Variants in SETD5 observed in about 807,000 individuals in gnomAD.
SETD5 encodes the protein histone-lysine N-methyltransferase SETD5.
In SETD5, 44 loss-of-function variants were observed where a neutral mutation model predicts 153.3. That is an observed-to-expected ratio of 0.29 (90% CI 0.23 to 0.37). The LOEUF (loss-of-function observed/expected upper bound fraction) is 0.37. Among genes scored for constraint, SETD5 ranks in the 10% least tolerant of loss-of-function variants. The pLI is 1.00. For missense variants in SETD5, 1,544 were observed against 1,768.0 expected (o/e 0.87, Z 2.27); for synonymous variants, 716 against 645.2 (o/e 1.11, Z -1.66).
intron 1 of SETD5, among the ~76,000 whole-genome samples, chr3:9,409,171 C>G (rs934158657): frequency 6.6e-6 from 1 of 152,134 alleles, no homozygotes; most frequent in Non-Finnish European, 1.5e-5. Context: ...TCACACCACC[C>G]TTTTTGAGAA....
intron 2 of SETD5, among the ~76,000 whole-genome samples, chr3:9,427,422 C>T (rs950224353): frequency 1.3e-5 from 2 of 152,072 alleles, no homozygotes; most frequent in Non-Finnish European, 2.9e-5. Context: ...TGGTGGCAGG[C>T]GCCTGTAATC....
At chr3:9,468,647 TGGGGA>T in intron 18 of SETD5, 4 of 1,253,126 alleles carry the variant, frequency 3.2e-6, no homozygotes, top group Non-Finnish European at 4.2e-6. Context: ...CCTGAGTGTG[TGGGGA>T]GGGCTGGGGA....
intron 1 of SETD5, among the ~76,000 whole-genome samples, chr3:9,411,547 T>G (rs780186552): frequency 2.1e-4 from 32 of 152,240 alleles, no homozygotes; most frequent in Non-Finnish European, 3.7e-4. Context: ...GGATTCTAGC[T>G]GTGGTTTTCT....
At position 9,447,706 on chromosome 3, in the gene SETD5, A is replaced by G; in HGVS notation, c.1803A>G (p.Leu601=). 1 of 1,613,898 alleles carries G rather than the reference A, an allele frequency of 6.2e-7. No homozygotes were observed. The highest frequency in any genetic ancestry group is 1.7e-5 in the Admixed American group (1 of 60,022). The stretch of plus-strand genomic sequence containing the variant: ...TACAGGATATTGCTGCAGAAAAACT[A>G]GTCCCCAAGCCACCTCCAGCAAAGC... ...SQAGDIAAEK[L]VPKPPPAKPS... Residue 601 remains leucine (L), a synonymous_variant, in exon 15 of 23, where the codon CTA becomes CTG. Coordinates refer to ENST00000402198, the MANE Select transcript of SETD5 (RefSeq NM_001080517.3).
intron 1 of SETD5, among the ~76,000 whole-genome samples, chr3:9,411,035 C>T (rs2036499037): frequency 6.6e-6 from 1 of 151,954 alleles, no homozygotes; most frequent in South Asian, 2.1e-4. Flanking sequence ...ACTACAGGTG[C>T]CTGCCACCAC....
chr3:9,467,199 C>CAAAAAAAAAA (rs35894304), intron 18 of SETD5, among the ~76,000 whole-genome samples: 10 of 40,874 alleles, frequency 2.4e-4, no homozygotes, highest in African/African-American at 5.7e-4. Flanking sequence ...GACTCTCTCT[C>CAAAAAAAAAA]AAAAAAAAAA....
At chr3:9,464,319 C>T in intron 17 of SETD5, 106 bp from the exon 18 acceptor site, 2 of 1,462,290 alleles carry the variant, frequency 1.4e-6, no homozygotes, top group Non-Finnish European at 1.8e-6. Flanking sequence ...TGGGATGAGG[C>T]AGAAAACAGT....
intron 1 of SETD5, among the ~76,000 whole-genome samples, chr3:9,401,269 C>T (rs977906322): frequency 2.0e-5 from 3 of 152,184 alleles, no homozygotes; most frequent in Non-Finnish European, 2.9e-5. Flanking sequence ...TGTATACTGG[C>T]TGTTTGACAT....
At chr3:9,464,975 A>G in intron 18 of SETD5, 3 of 403,144 alleles carry the variant, frequency 7.4e-6, no homozygotes, top group Non-Finnish European at 1.4e-5. Flanking sequence ...CGTTATCTTT[A>G]CTGTATACTT....
intron 7 of SETD5, 25 bp from the exon 8 acceptor site, chr3:9,440,431 A>G: frequency 1.6e-6 from 2 of 1,277,918 alleles, no homozygotes; most frequent in Non-Finnish European, 1.1e-6. Flanking sequence ...GACTTTACTA[A>G]CCTCCCTGAA....
intron 3 of SETD5, chr3:9,433,466 G>A: frequency 7.8e-7 from 1 of 1,290,104 alleles, no homozygotes; most frequent in Non-Finnish European, 1.0e-6. Flanking sequence ...GTCATGTGAG[G>A]TTTCATGGAA....
At chr3:9,404,175 C>T (rs946183222) in intron 1 of SETD5, among the ~76,000 whole-genome samples, 6 of 152,162 alleles carry the variant, frequency 3.9e-5, no homozygotes, top group Admixed American at 3.9e-4. Context: ...GTCTATACTG[C>T]ATGCAACAAT....
rs1238708135 is a variant in SETD5, at chr3:9,434,171, A to G, written c.178-163A>G. On this transcript the variant is annotated intron_variant, in intron 4 of 22. Transcript: ENST00000402198. The surrounding 1 kb of genome is among the most constrained non-coding windows in gnomAD (Gnocchi z 5.6). ...TTTATCACTTTCCTGGTTGAAGCCA[A>G]AAAACAAAGGGTACTACTTTCTTCT... The G allele has an allele frequency of 1.9e-6, 3 of 1,549,564 alleles. 1 individual carries two copies. Among genetic ancestry groups the G allele is most frequent in the Non-Finnish European group, 2.6e-6 (3 of 1,146,576 alleles).
intron 11 of SETD5, among the ~76,000 whole-genome samples, chr3:9,444,113 T>TA (rs2041648559): frequency 6.6e-6 from 1 of 152,192 alleles, no homozygotes; most frequent in Non-Finnish European, 1.5e-5. Context: ...ATTTGTCAAT[T>TA]ATACCCTTAT....
At chr3:9,421,253 A>G (rs2038348690) in intron 1 of SETD5, among the ~76,000 whole-genome samples, 1 of 152,096 alleles carries the variant, frequency 6.6e-6, no homozygotes, top group East Asian at 1.9e-4. Context: ...ATTATGTTGT[A>G]GGCTAGAACT....
intron 1 of SETD5, among the ~76,000 whole-genome samples, chr3:9,417,630 C>T (rs944626392): frequency 1.3e-5 from 2 of 151,618 alleles, no homozygotes; most frequent in Admixed American, 6.6e-5. Context: ...AGACTACAGG[C>T]GCCCACCACC....
intron 1 of SETD5, among the ~76,000 whole-genome samples, chr3:9,413,545 C>T (rs183500332): frequency 4.6e-5 from 7 of 151,610 alleles, no homozygotes; most frequent in Admixed American, 4.6e-4. Context: ...CATGGGCCTT[C>T]TGGATCTGGA....
intron 1 of SETD5, among the ~76,000 whole-genome samples, chr3:9,414,271 C>G (rs1325828235): frequency 6.6e-6 from 1 of 152,094 alleles, no homozygotes; most frequent in East Asian, 1.9e-4. Context: ...CTTTCATATT[C>G]AGATGTAGGA....
chr3:9,457,757 A>C (rs1359783240), intron 17 of SETD5, among the ~76,000 whole-genome samples: 1 of 146,358 alleles, frequency 6.8e-6, no homozygotes. Flanking sequence ...TTTTTTTTTC[A>C]TGAATCATAC....
Sources: allele counts gnomAD v4.1 joint callset (sites outside exome capture counted in the v4.1 genomes callset), GRCh38; gene constraint gnomAD v4.1.1; non-coding constraint Gnocchi (gnomAD v3.1); transcripts MANE v1.5; gene names NCBI Gene and HGNC (gene_info 2026-07-23, HGNC 2026-07-21).